The following RXRG variants were observed in gnomAD, a reference collection of about 807,000 sequenced individuals.
RXRG encodes retinoid X receptor gamma.
A neutral mutation model predicts 49.2 loss-of-function variants in RXRG; 19 were observed. The observed-to-expected ratio is 0.39, with a 90% CI of 0.27 to 0.57. The LOEUF (loss-of-function observed/expected upper bound fraction) is 0.57, where lower values mean the gene tolerates loss of function less well. RXRG is among the 20% of genes least tolerant of loss of function. The probability of loss-of-function intolerance (pLI) is 0.64; values close to 1 mark genes in which losing one functional copy is unlikely to be tolerated. For missense variants in RXRG, 452 were observed against 592.5 expected, an observed-to-expected ratio of 0.76 and a Z score of 2.46; for synonymous variants, 224 against 216.6, an observed-to-expected ratio of 1.03 and a Z score of -0.30.
At chr1:165,427,431 T>C (rs1658523663) in intron 2 of RXRG, among the ~76,000 whole-genome samples, 1 of 151,884 alleles carries the variant, frequency 6.6e-6, no homozygotes. Context: ...TTTGTTTTGT[T>C]TTGTTTTGTT....
chr1:165,440,221 C>A (rs1658938840), intron 1 of RXRG, among the ~76,000 whole-genome samples: 1 of 152,146 alleles, frequency 6.6e-6, no homozygotes, highest in African/African-American at 2.4e-5. Context: ...TATTCAAATG[C>A]CACTTTTATC....
At chr1:165,417,243 C>A in intron 3 of RXRG, 23 bp from the exon 4 acceptor site, 1 of 1,575,958 alleles carries the variant, frequency 6.3e-7, no homozygotes, top group Non-Finnish European at 8.6e-7. Context: ...AAAGAACATT[C>A]CATAGATTGT....
chr1:165,412,203 T>C (rs1258853903), intron 4 of RXRG, among the ~76,000 whole-genome samples: 1 of 152,160 alleles, frequency 6.6e-6, no homozygotes, highest in African/African-American at 2.4e-5. Context: ...GCGAGCCATA[T>C]CAGTCTCTCA....
chr1:165,440,124 G>A (rs1299337445), intron 1 of RXRG, among the ~76,000 whole-genome samples: 2 of 152,292 alleles, frequency 1.3e-5, no homozygotes, highest in East Asian at 3.9e-4. Context: ...GGTCTGTGCT[G>A]GGTAACTGCT....
In RXRG at chr1:165,400,928, T is replaced by C. The variant is rs1285542100; in HGVS notation, c.*335A>G. On this transcript the variant is annotated 3_prime_UTR_variant, in exon 10 of 10. Coordinates refer to ENST00000359842, the MANE Select transcript of RXRG (RefSeq NM_006917.5). ...ACACCCCATGCTCCAGCAGTGCCAA[T>C]TTCACACATATTATTTTATTACTCA... 1 of 216,834 alleles carries C rather than the reference T, an allele frequency of 4.6e-6. No individual in the cohort carries two copies. The highest frequency in any genetic ancestry group is 1.5e-4 in the East Asian group (1 of 6,816). The allele number at this position is 216,834 out of a possible 1,614,324, so 13.4% of individuals were successfully genotyped here. A position where few individuals can be genotyped will look rare whatever the true frequency, so the allele number is the denominator to read the frequency against.
intron 2 of RXRG, among the ~76,000 whole-genome samples, chr1:165,420,876 C>A (rs1219514152): frequency 6.6e-6 from 1 of 152,182 alleles, no homozygotes; most frequent in African/African-American, 2.4e-5. Flanking sequence ...AAAATAAGAA[C>A]ACTTACAAGC....
At position 165,416,871 on chromosome 1, in the gene RXRG, A is replaced by T. The variant is rs117916252; in HGVS notation, c.622+170T>A. 9.4e-3 allele frequency among the ~76,000 whole-genome samples: 1,428 copies of T among 152,330 alleles called. 65 individuals are homozygous for T. The South Asian group carries it at 0.11, about 11-fold the overall frequency. On this transcript the variant is annotated intron_variant, in intron 4 of 9. Transcript: ENST00000359842. Reference sequence around the variant, plus strand: ...TTGCAATACACGAGTACCCAAAGTCATCCTAATTTCCTATTCAGACTTCTC... The same window carrying T: ...TTGCAATACACGAGTACCCAAAGTCTTCCTAATTTCCTATTCAGACTTCTC...
chr1:165,436,828 A>G (rs1163627055), intron 1 of RXRG: 4 of 767,012 alleles, frequency 5.2e-6, no homozygotes, highest in Non-Finnish European at 4.9e-6. Context: ...CTGTAACCAG[A>G]TGGGGACAGA....
At chr1:165,401,538 A>AG in intron 9 of RXRG, 128 bp from the exon 10 acceptor site, 1 of 969,680 alleles carries the variant, frequency 1.0e-6, no homozygotes, top group Non-Finnish European at 1.5e-6. Context: ...AGGGTAGACA[A>AG]GGGGGTCACA....
intron 2 of RXRG, among the ~76,000 whole-genome samples, chr1:165,422,631 AG>A (rs1658359632): frequency 6.6e-6 from 1 of 152,234 alleles, no homozygotes; most frequent in South Asian, 2.1e-4. Flanking sequence ...AATGCTGAGA[AG>A]TGCGCTATGA....
At chr1:165,421,194 A>G (rs1181290563) in intron 2 of RXRG, among the ~76,000 whole-genome samples, 1 of 152,236 alleles carries the variant, frequency 6.6e-6, no homozygotes, top group Middle Eastern at 3.2e-3. Flanking sequence ...AGGCAAACAG[A>G]GGCTCTCAGT....
At chr1:165,429,237 A>T (rs1254841160) in intron 1 of RXRG, among the ~76,000 whole-genome samples, 4 of 152,146 alleles carry the variant, frequency 2.6e-5, no homozygotes, top group Non-Finnish European at 4.4e-5. Flanking sequence ...ACTATGCTGG[A>T]TCCACAGCCA....
Position 165,419,457 on chromosome 1 carries a change from C to G in RXRG, c.442+413G>C, listed in dbSNP as rs116896625. Among the ~76,000 whole-genome samples the G allele has an allele frequency of 9.4e-3, 1,418 of 151,604 alleles. 65 individuals are homozygous for G. The South Asian group carries it at 0.11, about 11-fold the overall frequency. ...CTAGGCTGGAGTACAGTAGCGTGAT[C>G]ATGGCTCACTGCAGGCTTGACTTCC... On this transcript the variant is annotated intron_variant, in intron 3 of 9. Coordinates refer to ENST00000359842, the MANE Select transcript of RXRG (RefSeq NM_006917.5).
intron 1 of RXRG, among the ~76,000 whole-genome samples, chr1:165,441,461 T>A (rs1255531028): frequency 6.6e-6 from 1 of 152,178 alleles, no homozygotes; most frequent in African/African-American, 2.4e-5. Flanking sequence ...GTTCAATCCC[T>A]GGCTGTGCCA....
chr1:165,439,415 T>G (rs1658914225), intron 1 of RXRG, among the ~76,000 whole-genome samples: 1 of 151,596 alleles, frequency 6.6e-6, no homozygotes. Flanking sequence ...TCATCAGCCC[T>G]TCTCTGGGGG....
chr1:165,433,360 C>G lies in RXRG; in HGVS notation c.50-4394G>C, dbSNP rs78803037. Among the ~76,000 whole-genome samples the G allele has an allele frequency of 4.8e-3, 733 of 152,262 alleles. 6 individuals are homozygous for G. The highest frequency in any genetic ancestry group is 0.017 in the African/African-American group (701 of 41,528). Reference sequence around the variant, plus strand: ...AAATGGCCTGATCCAGTCTCTCAGCCCAATTCACTCTGTGGCATGACCCCT... The same window carrying G: ...AAATGGCCTGATCCAGTCTCTCAGCGCAATTCACTCTGTGGCATGACCCCT... On this transcript the variant is annotated intron_variant, in intron 1 of 9. Coordinates refer to ENST00000359842, the MANE Select transcript of RXRG (RefSeq NM_006917.5).
chr1:165,406,460 G>C (rs369290374), intron 9 of RXRG, among the ~76,000 whole-genome samples: 1 of 152,234 alleles, frequency 6.6e-6, no homozygotes, highest in Non-Finnish European at 1.5e-5. Context: ...CCGCGTGCTA[G>C]CATTATGGTC....
intron 8 of RXRG, 108 bp from the exon 9 acceptor site, chr1:165,407,025 G>T: frequency 2.8e-6 from 2 of 718,436 alleles, no homozygotes; most frequent in South Asian, 1.7e-5. Flanking sequence ...CCTGGATGGG[G>T]ACAAGTGTGA....
rs527943748 is a variant in RXRG, at chr1:165,431,607, C to A, written c.50-2641G>T. Reference sequence around the variant, plus strand: ...TAGGCTTGCCAAAAACAGACCAGACCACCCTGCAACTTTCCTTTTTATTCT... The same window carrying A: ...TAGGCTTGCCAAAAACAGACCAGACAACCCTGCAACTTTCCTTTTTATTCT... On this transcript the variant is annotated intron_variant, in intron 1 of 9. Transcript: ENST00000359842. Among the ~76,000 whole-genome samples, 12 of 152,270 alleles carry A rather than the reference C, an allele frequency of 7.9e-5. No individual in the cohort carries two copies. The East Asian group carries it at 2.1e-3, about 27-fold the overall frequency.
Sources: gnomAD v4.1 joint callset for allele counts (sites outside exome capture counted in the v4.1 genomes callset) on GRCh38, gnomAD v4.1.1 for gene constraint, MANE v1.5 for transcripts, NCBI Gene and HGNC (gene_info 2026-07-23, HGNC 2026-07-21) for gene names.